TMEM244: variants seen among roughly 807,000 people sequenced by gnomAD.
TMEM244 encodes transmembrane protein 244.
TMEM244 carries 13 observed loss-of-function variants against 15.8 expected under a neutral mutation model. The observed-to-expected ratio is 0.82, with a 90% CI of 0.53 to 1.30. TMEM244 has a LOEUF of 1.30. Among genes scored for constraint, TMEM244 ranks in the 50% most tolerant of loss-of-function variants. The probability of loss-of-function intolerance (pLI) is 0.00; values close to 1 mark genes in which losing one functional copy is unlikely to be tolerated. For synonymous variants in TMEM244, 45 were observed against 48.7 expected (o/e 0.92, Z 0.32); for missense variants, 161 against 144.9 (o/e 1.11, Z -0.57).
chr6:129,843,212 C>T (rs1469812425), intron 3 of TMEM244, among the ~76,000 whole-genome samples: 1 of 151,978 alleles, frequency 6.6e-6, no homozygotes, highest in Non-Finnish European at 1.5e-5. Flanking sequence ...AAATATTTTT[C>T]TACATCAGCA....
chr6:129,849,026 C>T (rs112094082), intron 1 of TMEM244, among the ~76,000 whole-genome samples: 30,612 of 151,914 alleles, frequency 0.2, 3,284 homozygotes, highest in South Asian at 0.24. Context: ...ATAATCCAAA[C>T]ATGAGGATTG....
chr6:129,839,344 T>C (rs939738169), intron 3 of TMEM244, among the ~76,000 whole-genome samples: 1 of 152,170 alleles, frequency 6.6e-6, no homozygotes. Flanking sequence ...ATTGTCTCAA[T>C]AGATGCAGAA....
At chr6:129,859,416 C>T (rs752065607) in intron 1 of TMEM244, among the ~76,000 whole-genome samples, 1 of 152,200 alleles carries the variant, frequency 6.6e-6, no homozygotes, top group Non-Finnish European at 1.5e-5. Flanking sequence ...GCAAAGGCTC[C>T]GTCCTACTGG....
chr6:129,835,073 A>T (rs1448408628), intron 3 of TMEM244, among the ~76,000 whole-genome samples: 1 of 152,192 alleles, frequency 6.6e-6, no homozygotes, highest in Non-Finnish European at 1.5e-5. Context: ...AGATAACAGC[A>T]TTCTAGTCTC....
At chr6:129,853,145 T>A (rs1275671031) in intron 1 of TMEM244, among the ~76,000 whole-genome samples, 1 of 152,180 alleles carries the variant, frequency 6.6e-6, no homozygotes, top group Non-Finnish European at 1.5e-5. Context: ...CAATATATTA[T>A]CTTGTGTATA....
chr6:129,835,404 TAAAAA>T (rs549649524), intron 3 of TMEM244, among the ~76,000 whole-genome samples: 1 of 138,448 alleles, frequency 7.2e-6, no homozygotes, highest in African/African-American at 2.7e-5. Context: ...CTCTGTCTCT[TAAAAA>T]AAAAAAAAAA....
intron 1 of TMEM244, among the ~76,000 whole-genome samples, chr6:129,856,694 T>G (rs139798272): frequency 1.1e-4 from 16 of 152,126 alleles, no homozygotes; most frequent in Admixed American, 1.0e-3. Context: ...GCTAGTCATC[T>G]CTCCTTTTTC....
At chr6:129,835,404 T>TAA (rs549649524) in intron 3 of TMEM244, among the ~76,000 whole-genome samples, 50,422 of 138,060 alleles carry the variant, frequency 0.37, 9,238 homozygotes, top group South Asian at 0.49. Context: ...CTCTGTCTCT[T>TAA]AAAAAAAAAA....
chr6:129,858,204 T>C (rs1055252022), intron 1 of TMEM244, among the ~76,000 whole-genome samples: 1 of 152,162 alleles, frequency 6.6e-6, no homozygotes, highest in Non-Finnish European at 1.5e-5. Context: ...ATTTATATGG[T>C]TTAGGTGACA....
intron 1 of TMEM244, among the ~76,000 whole-genome samples, chr6:129,849,807 T>C (rs1314038990): frequency 6.6e-6 from 1 of 151,976 alleles, no homozygotes; most frequent in Non-Finnish European, 1.5e-5. Context: ...AGAGGTATTA[T>C]TGAGGAGGGT....
Position 129,843,066 on chromosome 6 carries a change from A to G in TMEM244, c.193+464T>C, listed in dbSNP as rs530951834. ...GAATGAAAGTTCTCTGTCATCCCAG[A>G]TGGGAGATAACAGTTTGTTGCATAA... On this transcript the variant is annotated intron_variant, in intron 3 of 4. Coordinates refer to ENST00000368143, the MANE Select transcript of TMEM244 (RefSeq NM_001010876.2). Among the ~76,000 whole-genome samples, 3 of 152,190 alleles carry G rather than the reference A, an allele frequency of 2.0e-5. No individual in the cohort carries two copies. In the South Asian group the frequency reaches 6.2e-4, roughly 32 times the overall value.
At chr6:129,839,615 A>G (rs897965424) in intron 3 of TMEM244, among the ~76,000 whole-genome samples, 5 of 152,204 alleles carry the variant, frequency 3.3e-5, no homozygotes, top group African/African-American at 1.2e-4. Flanking sequence ...AGCGTATTCA[A>G]TTAGGAAAAG....
intron 1 of TMEM244, among the ~76,000 whole-genome samples, chr6:129,860,613 G>A (rs796249317): frequency 1.4e-4 from 21 of 152,170 alleles, no homozygotes; most frequent in African/African-American, 4.8e-4. Flanking sequence ...CAGCTGCTTT[G>A]AGGCTTTGCA....
chr6:129,849,288 T>C (rs2114642432), intron 1 of TMEM244, among the ~76,000 whole-genome samples: 1 of 152,272 alleles, frequency 6.6e-6, no homozygotes, highest in Middle Eastern at 3.4e-3. Context: ...TCTACCTGAA[T>C]TATAAATCTA....
chr6:129,860,145 G>GTCTGTC (rs1554208585), intron 1 of TMEM244, among the ~76,000 whole-genome samples: 1 of 129,186 alleles, frequency 7.7e-6, no homozygotes, highest in South Asian at 2.6e-4. Context: ...GTGTGTGTGT[G>GTCTGTC]TGTCTGTCTG....
chr6:129,858,857 A>T (rs983996056), intron 1 of TMEM244, among the ~76,000 whole-genome samples: 2 of 151,656 alleles, frequency 1.3e-5, no homozygotes, highest in African/African-American at 4.9e-5. Context: ...ACAGTGACAC[A>T]ATCTCAGCTC....
At position 129,852,350 on chromosome 6, in the gene TMEM244, T is replaced by C. The variant is rs201261847; in HGVS notation, c.34-6498A>G. Among the ~76,000 whole-genome samples, 38 of 152,308 alleles carry C rather than the reference T, an allele frequency of 2.5e-4. No individual in the cohort carries two copies. In the East Asian group the frequency reaches 6.6e-3, roughly 26 times the overall value. ...GTGGTAAGGGGTAAGCTTTGCTTAATACCTGTATGTGCAAGACGCCAAGCA... is the reference window on the plus strand; with the variant it reads ...GTGGTAAGGGGTAAGCTTTGCTTAACACCTGTATGTGCAAGACGCCAAGCA... On this transcript the variant is annotated intron_variant, in intron 1 of 4. Coordinates refer to ENST00000368143, the MANE Select transcript of TMEM244 (RefSeq NM_001010876.2).
chr6:129,838,270 G>A (rs978659256), intron 3 of TMEM244, among the ~76,000 whole-genome samples: 1 of 152,180 alleles, frequency 6.6e-6, no homozygotes, highest in African/African-American at 2.4e-5. Flanking sequence ...TAGAACTCAG[G>A]ATTAAGAAAC....
rs994749239 is a variant in TMEM244, at chr6:129,857,341, C to T, written c.33+3815G>A. On this transcript the variant is annotated intron_variant, in intron 1 of 4. Transcript: ENST00000368143. ...ATACACACACACACACACACACACACATATATATATACATATATAAATTAT... is the reference window on the plus strand; with the variant it reads ...ATACACACACACACACACACACACATATATATATATACATATATAAATTAT... Among the ~76,000 whole-genome samples the T allele has an allele frequency of 2.2e-3, 331 of 150,266 alleles. 2 individuals carry two copies. Among genetic ancestry groups the T allele is most frequent in the African/African-American group, 7.8e-3 (319 of 41,020 alleles).
Sources: allele counts gnomAD v4.1 joint callset (sites outside exome capture counted in the v4.1 genomes callset), GRCh38; gene constraint gnomAD v4.1.1; transcripts MANE v1.5; gene names NCBI Gene and HGNC (gene_info 2026-07-23, HGNC 2026-07-21).